Variants in GRIA3 observed in about 807,000 individuals in gnomAD.
The protein encoded by GRIA3 is glutamate receptor 3.
GRIA3 carries 3 observed loss-of-function variants against 63.0 expected under a neutral mutation model. That is an observed-to-expected ratio of 0.05 (90% confidence interval 0.02 to 0.12). The LOEUF (loss-of-function observed/expected upper bound fraction) is 0.12, where lower values mean the gene tolerates loss of function less well. GRIA3 is among the 10% of genes least tolerant of loss of function. GRIA3 has a pLI of 1.00. For synonymous variants in GRIA3, 274 were observed against 257.9 expected (o/e 1.06, Z -0.60); for missense variants, 347 against 700.9 (o/e 0.50, Z 5.70).
chrX:123,436,829 G>A (rs891175218), intron 12 of GRIA3, among the ~76,000 whole-genome samples: 2 of 110,997 alleles, frequency 1.8e-5, no homozygotes, highest in Non-Finnish European at 3.8e-5. Context: ...ATCTGACACA[G>A]TCAAATCATC....
chrX:123,270,559 A>G (rs2044515011), intron 3 of GRIA3, among the ~76,000 whole-genome samples: 1 of 112,469 alleles, frequency 8.9e-6, no homozygotes, highest in Non-Finnish European at 1.9e-5. Context: ...TTCTGAATGC[A>G]AAAACAGGAC....
At chrX:123,227,155 T>C (rs897640617) in intron 2 of GRIA3, among the ~76,000 whole-genome samples, 1 of 111,907 alleles carries the variant, frequency 8.9e-6, no homozygotes, top group Non-Finnish European at 1.9e-5. Context: ...CTGCATTTTA[T>C]AATATTTTAT....
At chrX:123,483,927 A>G (rs974777169) in intron 15 of GRIA3, among the ~76,000 whole-genome samples, 2 of 87,713 alleles carry the variant, frequency 2.3e-5, no homozygotes, top group Admixed American at 1.3e-4. Context: ...GTGAGACTCC[A>G]TCTCAAAAAA....
chrX:123,200,641 A>G lies in GRIA3; in HGVS notation c.268+14651A>G, dbSNP rs189006858. 1.1e-3 allele frequency among the ~76,000 whole-genome samples: 118 copies of G among 106,080 alleles called. 2 individuals are homozygous for G. In the East Asian group the frequency reaches 0.032, roughly 29 times the overall value. 92.1% of individuals were successfully genotyped at this position (106,080 alleles called of 115,157 possible). A position where few individuals can be genotyped will look rare whatever the true frequency, so the allele number is the denominator to read the frequency against. Reference sequence around the variant, plus strand: ...CACACACACACACACACACACACACACGCAACCATTATACAACTTTATGCA... The same window carrying G: ...CACACACACACACACACACACACACGCGCAACCATTATACAACTTTATGCA... On this transcript the variant is annotated intron_variant, in intron 2 of 15. Transcript: ENST00000620443.
At chrX:123,433,483 A>T (rs1048946937) in intron 12 of GRIA3, among the ~76,000 whole-genome samples, 1 of 111,999 alleles carries the variant, frequency 8.9e-6, no homozygotes, top group Non-Finnish European at 1.9e-5. Context: ...TACAACTTAT[A>T]TATCACATAT....
chrX:123,350,663 G>A (rs760575205), intron 4 of GRIA3, among the ~76,000 whole-genome samples: 6 of 112,303 alleles, frequency 5.3e-5, no homozygotes, highest in Non-Finnish European at 7.5e-5. Flanking sequence ...GTGGATATGG[G>A]GAGGGGGCCA....
intron 5 of GRIA3, among the ~76,000 whole-genome samples, chrX:123,374,712 G>A (rs2045272790): frequency 8.9e-6 from 1 of 111,927 alleles, no homozygotes; most frequent in Non-Finnish European, 1.9e-5. Flanking sequence ...TGTATCCTGA[G>A]ACTTTGCTGA....
At chrX:123,449,342 T>C (rs1380494233) in intron 12 of GRIA3, among the ~76,000 whole-genome samples, 1 of 112,415 alleles carries the variant, frequency 8.9e-6, no homozygotes, top group Non-Finnish European at 1.9e-5. Flanking sequence ...AGCAGCAAAT[T>C]AGTAGTTTTA....
At chrX:123,452,629 A>T (rs769588197) in intron 12 of GRIA3, among the ~76,000 whole-genome samples, 7 of 112,295 alleles carry the variant, frequency 6.2e-5, no homozygotes, top group South Asian at 7.5e-4. Flanking sequence ...CAAGAATAAC[A>T]ATAGTATTGA....
At chrX:123,377,004 G>A (rs2045289819) in intron 5 of GRIA3, among the ~76,000 whole-genome samples, 1 of 97,551 alleles carries the variant, frequency 1.0e-5, no homozygotes, top group Non-Finnish European at 2.0e-5. Flanking sequence ...GCGCTATCTC[G>A]GCTCACTGGA....
chrX:123,264,509 T>C (rs2044476907), intron 3 of GRIA3, among the ~76,000 whole-genome samples: 1 of 109,677 alleles, frequency 9.1e-6, no homozygotes, highest in Non-Finnish European at 1.9e-5. Flanking sequence ...AAAGGGGAGG[T>C]TTGGCCTATG....
chrX:123,321,077 T>C (rs759263307), intron 3 of GRIA3, among the ~76,000 whole-genome samples: 1 of 112,148 alleles, frequency 8.9e-6, no homozygotes, highest in Non-Finnish European at 1.9e-5. Context: ...TGTGGTTCTG[T>C]GTCTAATAAT....
At chrX:123,252,340 A>G (rs1403618384) in intron 2 of GRIA3, among the ~76,000 whole-genome samples, 1 of 112,488 alleles carries the variant, frequency 8.9e-6, no homozygotes, top group African/African-American at 3.2e-5. Context: ...CCCTTAAATC[A>G]CACCACATTA....
intron 2 of GRIA3, chrX:123,204,598 A>G (rs892763522): frequency 1.8e-4 from 199 of 1,124,389 alleles, no homozygotes; most frequent in Non-Finnish European, 4.9e-5. Flanking sequence ...GAGATAAAAT[A>G]AAAAGATGAA....
intron 12 of GRIA3, among the ~76,000 whole-genome samples, chrX:123,451,488 G>A (rs749762325): frequency 3.3e-4 from 19 of 58,076 alleles, no homozygotes; most frequent in African/African-American, 1.2e-3. Context: ...CTGGACAACA[G>A]AGAGAGACTC....
chrX:123,453,861 G>A (rs1050333630), intron 12 of GRIA3, among the ~76,000 whole-genome samples: 38 of 111,694 alleles, frequency 3.4e-4, no homozygotes, highest in Non-Finnish European at 2.1e-4. Context: ...TACTACCCAC[G>A]CAGGGGAGTG....
chrX:123,205,492 G>A (rs1042644141), intron 2 of GRIA3, among the ~76,000 whole-genome samples: 1 of 111,977 alleles, frequency 8.9e-6, no homozygotes, highest in Admixed American at 9.5e-5. Flanking sequence ...AGCTGACAAT[G>A]TTCAGTACTT....
At chrX:123,185,024 T>C in intron 1 of GRIA3, 1 of 343,166 alleles carries the variant, frequency 2.9e-6, no homozygotes, top group Non-Finnish European at 5.6e-6. Flanking sequence ...CTGGAAGTTG[T>C]CCCAGGGTGA....
intron 3 of GRIA3, among the ~76,000 whole-genome samples, chrX:123,255,736 G>GAA (rs1256013080): frequency 9.2e-6 from 1 of 109,243 alleles, no homozygotes; most frequent in African/African-American, 3.3e-5. Context: ...TGGAGTCAAA[G>GAA]AAAGCTTTCT....
Sources: allele counts gnomAD v4.1 joint callset (sites outside exome capture counted in the v4.1 genomes callset), GRCh38; gene constraint gnomAD v4.1.1; transcripts MANE v1.5; gene names NCBI Gene and HGNC (gene_info 2026-07-23, HGNC 2026-07-21).